TBXAS1: variants seen among roughly 807,000 people sequenced by gnomAD.
The protein encoded by TBXAS1 is thromboxane-A synthase.
In TBXAS1, 48 loss-of-function variants were observed where a neutral mutation model predicts 60.7. That is an observed-to-expected ratio of 0.79 (90% CI 0.63 to 1.01). TBXAS1 has a LOEUF of 1.01. Ranked by LOEUF, TBXAS1 falls within the 50% of genes least tolerant of loss-of-function variation. The pLI, the probability that TBXAS1 is intolerant of heterozygous loss-of-function variation, is 0.00. For missense variants in TBXAS1, 685 were observed against 686.3 expected, an observed-to-expected ratio of 1.00 and a Z score of 0.02; for synonymous variants, 287 against 269.7, an observed-to-expected ratio of 1.06 and a Z score of -0.63.
At chr7:139,819,271 G>T (rs887581094) in intron 4 of TBXAS1, among the ~76,000 whole-genome samples, 3 of 152,204 alleles carry the variant, frequency 2.0e-5, no homozygotes, top group African/African-American at 7.2e-5. Flanking sequence ...CTTGCCAGCT[G>T]GTTGTGGATG....
intron 5 of TBXAS1, among the ~76,000 whole-genome samples, chr7:139,944,801 T>C (rs757760): frequency 0.81 from 122,537 of 152,132 alleles, 49,949 homozygotes; most frequent in African/African-American, 0.94. Context: ...TAGGGTTATG[T>C]AAAAAAGACC....
chr7:139,978,713 G>A (rs931438477), intron 9 of TBXAS1, among the ~76,000 whole-genome samples: 3 of 150,314 alleles, frequency 2.0e-5, no homozygotes, highest in African/African-American at 4.9e-5. Flanking sequence ...CAAGGTGGGA[G>A]GATCACTTGA....
intron 1 of TBXAS1, among the ~76,000 whole-genome samples, chr7:139,871,011 C>T (rs1307944886): frequency 6.6e-6 from 1 of 152,132 alleles, no homozygotes; most frequent in Non-Finnish European, 1.5e-5. Context: ...ATCACTTGAG[C>T]CCAGGAGTTT....
At chr7:139,893,791 A>T (rs1482770307) in intron 3 of TBXAS1, among the ~76,000 whole-genome samples, 1 of 152,154 alleles carries the variant, frequency 6.6e-6, no homozygotes, top group East Asian at 1.9e-4. Context: ...TTTGTAGCTT[A>T]CCTCTGCCTG....
At chr7:139,878,271 GA>G (rs977760500) in intron 3 of TBXAS1, among the ~76,000 whole-genome samples, 2 of 151,868 alleles carry the variant, frequency 1.3e-5, no homozygotes, top group Non-Finnish European at 2.9e-5. Context: ...GAGGTGGAGC[GA>G]ATTGGTTTCC....
intron 1 of TBXAS1, among the ~76,000 whole-genome samples, chr7:139,835,057 C>T (rs983329109): frequency 7.4e-6 from 1 of 134,690 alleles, no homozygotes; most frequent in Non-Finnish European, 1.5e-5. Context: ...AACATAGATA[C>T]TAAAATTCTT....
intron 4 of TBXAS1, among the ~76,000 whole-genome samples, chr7:139,796,501 C>A (rs964442007): frequency 1.3e-5 from 2 of 152,206 alleles, no homozygotes; most frequent in Non-Finnish European, 2.9e-5. Flanking sequence ...GGGATGAACA[C>A]GTGGAGCACA....
intron 5 of TBXAS1, among the ~76,000 whole-genome samples, chr7:139,946,935 G>A (rs558482045): frequency 4.2e-4 from 64 of 152,260 alleles, no homozygotes; most frequent in African/African-American, 1.2e-3. Context: ...CAACAAGGTC[G>A]GAATCTTACA....
At chr7:139,818,452 C>T (rs185770359) in intron 4 of TBXAS1, among the ~76,000 whole-genome samples, 14 of 152,256 alleles carry the variant, frequency 9.2e-5, no homozygotes, top group Non-Finnish European at 1.5e-4. Flanking sequence ...CTCAAGTGAT[C>T]CACCTGCTTT....
intron 9 of TBXAS1, among the ~76,000 whole-genome samples, chr7:139,985,468 T>C (rs1812381361): frequency 6.6e-6 from 1 of 152,240 alleles, no homozygotes; most frequent in Non-Finnish European, 1.5e-5. Flanking sequence ...GCATCATTAA[T>C]AACCCATTAT....
chr7:139,905,396 C>T (rs1584817650), intron 3 of TBXAS1, among the ~76,000 whole-genome samples: 1 of 152,206 alleles, frequency 6.6e-6, no homozygotes, highest in South Asian at 2.1e-4. Context: ...GTTTTTAATT[C>T]TGTTTATGTG....
At chr7:140,015,983 T>G in intron 11 of TBXAS1, 123 bp downstream of exon 11, 2 of 1,352,862 alleles carry the variant, frequency 1.5e-6, no homozygotes, top group Non-Finnish European at 2.1e-6. Context: ...AGTCAAAAGT[T>G]ATGGCAATTC....
At chr7:139,932,546 A>G (rs1185951644) in intron 4 of TBXAS1, among the ~76,000 whole-genome samples, 1 of 152,174 alleles carries the variant, frequency 6.6e-6, no homozygotes, top group Non-Finnish European at 1.5e-5. Flanking sequence ...CACAAAAAAA[A>G]AAACAAAACC....
chr7:139,875,646 GA>G lies in TBXAS1; in HGVS notation c.236+12del, dbSNP rs767570324. ...TATGGACCTCTGTGTGGGTAAGAAG[GA>G]AACTCAACGTTTCTATTATGTACGA... is the stretch of plus-strand genomic sequence containing the variant. On this transcript the variant is annotated intron_variant, in intron 3 of 12. Coordinates refer to ENST00000448866, the MANE Select transcript of TBXAS1 (RefSeq NM_001061.7). The G allele has an allele frequency of 6.2e-7, 1 of 1,607,000 alleles. No homozygotes were observed. The highest frequency in any genetic ancestry group is 1.1e-5 in the South Asian group (1 of 91,080).
intron 9 of TBXAS1, among the ~76,000 whole-genome samples, chr7:139,986,722 CATATATAT>C: frequency 1.5e-5 from 1 of 66,088 alleles, no homozygotes; most frequent in Admixed American, 1.9e-4. Context: ...AGTATTCCAT[CATATATAT>C]ATATATATAC....
intron 4 of TBXAS1, among the ~76,000 whole-genome samples, chr7:139,816,694 T>A (rs1025194018): frequency 6.6e-6 from 1 of 152,232 alleles, no homozygotes; most frequent in South Asian, 2.1e-4. Context: ...TCAAACTGTG[T>A]TGTATTTAAC....
chr7:139,936,052 C>T (rs1191273769), intron 4 of TBXAS1, 139 bp from the exon 5 acceptor site: 3 of 817,146 alleles, frequency 3.7e-6, no homozygotes, highest in Non-Finnish European at 6.5e-6. Context: ...TAGTCTTCCT[C>T]TCTCTCCTTG....
intron 1 of TBXAS1, among the ~76,000 whole-genome samples, chr7:139,854,239 A>C (rs1175922229): frequency 6.6e-6 from 1 of 152,052 alleles, no homozygotes; most frequent in Non-Finnish European, 1.5e-5. Flanking sequence ...AGCCTGGGAA[A>C]AAGCCCAGAA....
intron 8 of TBXAS1, among the ~76,000 whole-genome samples, chr7:139,960,517 G>C (rs902795118): frequency 2.0e-5 from 3 of 151,942 alleles, no homozygotes; most frequent in Non-Finnish European, 2.9e-5. Flanking sequence ...AGGCTGAGGC[G>C]GGCGGATCAC....
Sources: gnomAD v4.1 joint callset for allele counts (sites outside exome capture counted in the v4.1 genomes callset) on GRCh38, gnomAD v4.1.1 for gene constraint, MANE v1.5 for transcripts, NCBI Gene and HGNC (gene_info 2026-07-23, HGNC 2026-07-21) for gene names.